Variants in TBKBP1 observed in about 807,000 individuals in gnomAD.
The protein encoded by TBKBP1 is TANK-binding kinase 1-binding protein 1.
In TBKBP1, 47 loss-of-function variants were observed where a neutral mutation model predicts 69.9. That is an observed-to-expected ratio of 0.67 (90% CI 0.53 to 0.86). TBKBP1 has a LOEUF of 0.86. Among genes scored for constraint, TBKBP1 ranks in the 40% least tolerant of loss-of-function variants. The pLI, the probability that TBKBP1 is intolerant of heterozygous loss-of-function variation, is 0.00. For missense variants in TBKBP1, 831 were observed against 858.6 expected, an observed-to-expected ratio of 0.97 and a Z score of 0.40; for synonymous variants, 418 against 390.3, an observed-to-expected ratio of 1.07 and a Z score of -0.84.
chr17:47,701,377 A>ACT (rs71141927), intron 7 of TBKBP1, among the ~76,000 whole-genome samples: 22 of 151,042 alleles, frequency 1.5e-4, no homozygotes, highest in South Asian at 6.3e-4. Context: ...ACACACACAC[A>ACT]CTCTCTCTCT....
intron 7 of TBKBP1, among the ~76,000 whole-genome samples, chr17:47,706,867 A>ACACACGCACG (rs879677637): frequency 6.7e-6 from 1 of 148,802 alleles, no homozygotes; most frequent in Non-Finnish European, 1.5e-5. Context: ...ACACACACAC[A>ACACACGCACG]CACGCACACA....
At chr17:47,696,050 C>A in intron 1 of TBKBP1, 29 bp from the exon 2 acceptor site, 1 of 1,327,960 alleles carries the variant, frequency 7.5e-7, no homozygotes, top group Non-Finnish European at 1.0e-6. Context: ...GACAGACGGC[C>A]CTGTCCACGG....
At chr17:47,695,132 T>G (rs1437010590) in intron 1 of TBKBP1, 1 of 152,716 alleles carries the variant, frequency 6.5e-6, no homozygotes, top group Non-Finnish European at 1.5e-5. Flanking sequence ...ACCAGCCTCC[T>G]GGTCGCTGCC....
At chr17:47,705,736 C>T (rs142299473) in intron 7 of TBKBP1, among the ~76,000 whole-genome samples, 11 of 152,354 alleles carry the variant, frequency 7.2e-5, no homozygotes, top group Middle Eastern at 3.4e-3. Flanking sequence ...GCATCTTCAG[C>T]GGCCCAGGCC....
At chr17:47,706,909 A>C (rs978184722) in intron 7 of TBKBP1, among the ~76,000 whole-genome samples, 3 of 151,014 alleles carry the variant, frequency 2.0e-5, no homozygotes, top group Admixed American at 2.0e-4. Context: ...TTCCTCATTC[A>C]TCAGCCTGGC....
In TBKBP1 at chr17:47,699,422, G is replaced by T. The variant is rs771005820; in HGVS notation, c.737G>T (p.Arg246Leu). Residue 246 changes from arginine to leucine, a missense_variant, in exon 6 of 10, where the codon CGG becomes CTG. Transcript: ENST00000578982. ...GGAGAGGCCCGGGGGGCTCAGCTCC[G>T]GGAGGAGCAGCTCCAGGCCGAGTGC... ...AQGEARGAQL[R>L]EEQLQAECER... 3.2e-6 allele frequency: 5 copies of T among 1,568,492 alleles called. No individual in the cohort carries two copies. The highest frequency in any genetic ancestry group is 4.3e-6 in the Non-Finnish European group (5 of 1,160,966).
intron 3 of TBKBP1, 78 bp from the exon 4 acceptor site, chr17:47,697,011 G>A: frequency 6.6e-7 from 1 of 1,518,074 alleles, no homozygotes; most frequent in Non-Finnish European, 8.9e-7. Context: ...AGTGGGGGTG[G>A]GGAGGTGCAG....
intron 7 of TBKBP1, among the ~76,000 whole-genome samples, chr17:47,701,718 T>C (rs1215647968): frequency 5.3e-5 from 8 of 152,310 alleles, no homozygotes; most frequent in African/African-American, 1.9e-4. Context: ...CAAGGTTGTA[T>C]TGTGTGAGTG....
Position 47,708,773 on chromosome 17 carries a change from GCCCCT to G in TBKBP1, c.1045_1049del (p.Ser349LeufsTer114). 1 of 881,984 alleles carries G rather than the reference GCCCCT, an allele frequency of 1.1e-6. No individual in the cohort carries two copies. Among genetic ancestry groups the G allele is most frequent in the Non-Finnish European group, 1.6e-6 (1 of 612,608 alleles). The allele number at this position is 881,984 out of a possible 1,614,324, so 54.6% of individuals were successfully genotyped here. A position where few individuals can be genotyped will look rare whatever the true frequency, so the allele number is the denominator to read the frequency against. On this transcript the variant is annotated frameshift_variant, in exon 9 of 10. Coordinates refer to ENST00000578982, the MANE Select transcript of TBKBP1 (RefSeq NM_001394755.1). LOFTEE classifies it high-confidence loss of function. The surrounding 1 kb of genome is among the most constrained non-coding windows in gnomAD (Gnocchi z 4.4). Reference sequence around the variant, plus strand: ...CAACGCCACTCCCCGGCCCCCCAGTGCCCCTCCCCCTCCCCGCCTGCCCGAGCGGC... The same window carrying G: ...CAACGCCACTCCCCGGCCCCCCAGTGCCCCCTCCCCGCCTGCCCGAGCGGC...
chr17:47,699,526 A>G, intron 6 of TBKBP1, 31 bp downstream of exon 6: 1 of 1,602,064 alleles, frequency 6.2e-7, no homozygotes, highest in Non-Finnish European at 8.5e-7. Context: ...CAGCTTCTGG[A>G]GGTCCAGGGC....
Position 47,710,594 on chromosome 17 carries a change from A to T in TBKBP1, c.1816A>T (p.Ile606Phe). 6.2e-7 allele frequency: 1 copy of T among 1,610,320 alleles called. No homozygotes were observed. The highest frequency in any genetic ancestry group is 8.5e-7 in the Non-Finnish European group (1 of 1,177,338). ...GYPDDALIKHIDSHLENSKI is the reference protein window; with the variant it reads ...GYPDDALIKHFDSHLENSKI ...CCCGGATGATGCCCTCATCAAACAC[A>T]TTGACTCCCACCTGGAGAACAGCAA... The change falls in exon 10 of 10, where the codon ATT becomes TTT. Residue 606 changes from isoleucine to phenylalanine, a missense_variant. Ile to Phe is a conservative substitution (Grantham distance 21). Coordinates refer to ENST00000578982, the MANE Select transcript of TBKBP1 (RefSeq NM_001394755.1).
chr17:47,699,724 C>T (rs966989752), intron 7 of TBKBP1, 27 bp downstream of exon 7: 12 of 1,613,738 alleles, frequency 7.4e-6, no homozygotes, highest in African/African-American at 4.0e-5. Flanking sequence ...ACCCTGGTCC[C>T]TCCGTGATGT....
chr17:47,696,997 T>C, intron 3 of TBKBP1, 92 bp from the exon 4 acceptor site: 1 of 1,518,022 alleles, frequency 6.6e-7, no homozygotes, highest in Admixed American at 2.0e-5. Context: ...CATAGGGTGC[T>C]GGGAGTGGGG....
At position 47,708,969 on chromosome 17, in the gene TBKBP1, G is replaced by A; in HGVS notation, c.1236G>A (p.Gln412=). The change falls in exon 9 of 10, where the codon CAG becomes CAA. Residue 412 remains glutamine (Q), a synonymous_variant. Coordinates refer to ENST00000578982, the MANE Select transcript of TBKBP1 (RefSeq NM_001394755.1). This position sits in a 1 kb window ranked among gnomAD's most constrained non-coding sequence, Gnocchi z 4.4. ...VPPSCQSPSP[Q]RRSPVPPSCP... Reference sequence around the variant, plus strand: ...CGTCGTGCCAGTCCCCCAGCCCGCAGCGCCGTTCCCCGGTGCCCCCCAGCT... The same window carrying A: ...CGTCGTGCCAGTCCCCCAGCCCGCAACGCCGTTCCCCGGTGCCCCCCAGCT... 1 of 1,143,280 alleles carries A rather than the reference G, an allele frequency of 8.7e-7. No individual in the cohort carries two copies. The highest frequency in any genetic ancestry group is 1.1e-6 in the Non-Finnish European group (1 of 931,486). 70.8% of individuals were successfully genotyped at this position (1,143,280 alleles called of 1,614,324 possible).
At chr17:47,702,832 G>A (rs2031556578) in intron 7 of TBKBP1, among the ~76,000 whole-genome samples, 1 of 152,110 alleles carries the variant, frequency 6.6e-6, no homozygotes, top group Non-Finnish European at 1.5e-5. Context: ...AGGATGCACA[G>A]GGAGGTAAAG....
At position 47,708,331 on chromosome 17, in the gene TBKBP1, C is replaced by G; in HGVS notation, c.873-63C>G. The stretch of plus-strand genomic sequence containing the variant: ...GATGCTGGGGTAGAGCCAGTTCTTC[C>G]TCCACAGCTGGGACGGTAGACCCAC... On this transcript the variant is annotated intron_variant, in intron 7 of 9. Transcript: ENST00000578982. The surrounding 1 kb of genome is among the most constrained non-coding windows in gnomAD (Gnocchi z 4.4). 1 of 1,564,454 alleles carries G rather than the reference C, an allele frequency of 6.4e-7. No homozygotes were observed. Among genetic ancestry groups the G allele is most frequent in the Non-Finnish European group, 8.8e-7 (1 of 1,139,844 alleles).
Position 47,708,549 on chromosome 17 carries a change from AC to A in TBKBP1, c.991+40del, listed in dbSNP as rs1268846225. 1.2e-6 allele frequency: 2 copies of A among 1,604,520 alleles called. No individual in the cohort carries two copies. Among genetic ancestry groups the A allele is most frequent in the East Asian group, 2.2e-5 (1 of 44,788 alleles). The stretch of plus-strand genomic sequence containing the variant: ...CAGGGCAGGGGGAGGCAGCCGCGGG[AC>A]CCGGGAAGGAGCGGGTAGCCATGGC... On this transcript the variant is annotated intron_variant, in intron 8 of 9. Coordinates refer to ENST00000578982, the MANE Select transcript of TBKBP1 (RefSeq NM_001394755.1). The surrounding 1 kb of genome is among the most constrained non-coding windows in gnomAD (Gnocchi z 4.4).
chr17:47,696,608 G>T, intron 2 of TBKBP1, 103 bp from the exon 3 acceptor site: 1 of 1,564,856 alleles, frequency 6.4e-7, no homozygotes, highest in Non-Finnish European at 8.7e-7. Context: ...GGAGAAGGAG[G>T]GTCAAAGGTC....
At chr17:47,701,042 A>G (rs1400157299) in intron 7 of TBKBP1, among the ~76,000 whole-genome samples, 1 of 152,196 alleles carries the variant, frequency 6.6e-6, no homozygotes, top group East Asian at 1.9e-4. Context: ...AGAGAGGGGC[A>G]GGAACTAACC....
Sources: allele counts gnomAD v4.1 joint callset (sites outside exome capture counted in the v4.1 genomes callset), GRCh38; gene constraint gnomAD v4.1.1; non-coding constraint Gnocchi (gnomAD v3.1); transcripts MANE v1.5; gene names NCBI Gene and HGNC (gene_info 2026-07-23, HGNC 2026-07-21).